NRL: variants seen among roughly 807,000 people sequenced by gnomAD.
NRL encodes neural retina leucine zipper.
In NRL, 16 loss-of-function variants were observed where a neutral mutation model predicts 12.5. That is an observed-to-expected ratio of 1.28 (90% CI 0.87 to 1.95). NRL has a LOEUF of 1.95. Ranked by LOEUF, NRL falls within the 30% of genes most tolerant of loss-of-function variation. The pLI is 0.00. For synonymous variants in NRL, 142 were observed against 150.9 expected, an observed-to-expected ratio of 0.94 and a Z score of 0.43; for missense variants, 314 against 325.8, an observed-to-expected ratio of 0.96 and a Z score of 0.28.
At chr14:24,110,824 C>T (rs2037407269) in intron 1 of NRL, among the ~76,000 whole-genome samples, 1 of 152,196 alleles carries the variant, frequency 6.6e-6, no homozygotes, top group African/African-American at 2.4e-5. Flanking sequence ...TAGACAGCTT[C>T]CCTCTAATAA....
At position 24,079,117 on chromosome 14, in the gene NRL, CA is replaced by C. The variant is rs565190137; in HGVS notation, c.*2118del. Among the ~76,000 whole-genome samples the C allele has an allele frequency of 5.0e-3, 763 of 152,274 alleles. 2 individuals carry two copies. The highest frequency in any genetic ancestry group is 0.018 in the African/African-American group (737 of 41,540). On this transcript the variant is annotated 3_prime_UTR_variant, in exon 3 of 3. Coordinates refer to ENST00000561028, the MANE Select transcript of NRL (RefSeq NM_001354768.3). ...CACTACTCTTAATCACCACAGTGTG[CA>C]ACTTTGTTTTTTTAAGTATACTCAG...
intron 1 of NRL, chr14:24,100,475 C>A: frequency 1.2e-6 from 1 of 832,382 alleles, no homozygotes; most frequent in South Asian, 2.6e-5. Context: ...TGTGATAGTA[C>A]CTATCTCATG....
intron 1 of NRL, chr14:24,103,955 C>G: frequency 6.2e-7 from 1 of 1,612,882 alleles, no homozygotes; most frequent in Non-Finnish European, 8.5e-7. Context: ...GACGTGTGCA[C>G]AAAATGTGAC....
chr14:24,096,808 A>C (rs2036904984), intron 1 of NRL: 1 of 1,235,748 alleles, frequency 8.1e-7, no homozygotes, highest in Non-Finnish European at 1.2e-6. Flanking sequence ...AGCAGGCTGC[A>C]GCCCAAGCTT....
At position 24,103,942 on chromosome 14, in the gene NRL, A is replaced by T. The variant is rs142085278; in HGVS notation, c.-28+10780T>A. On this transcript the variant is annotated intron_variant, in intron 1 of 2. Coordinates refer to ENST00000561028, the MANE Select transcript of NRL (RefSeq NM_001354768.3). ...GTGTTGGCTGAGCTTGAGGCCCTGG[A>T]GAGACGTGTGCACAAAATGTGACCT... 11 of 1,613,872 alleles carry T rather than the reference A, an allele frequency of 6.8e-6. No homozygotes were observed. The African/African-American group carries it at 1.5e-4, about 22-fold the overall frequency.
chr14:24,088,967 A>AT (rs1402393021), intron 1 of NRL, among the ~76,000 whole-genome samples: 137 of 146,150 alleles, frequency 9.4e-4, no homozygotes, highest in African/African-American at 2.9e-3. Context: ...TGCCTGGCTA[A>AT]TTTTTTTTTT....
In NRL at chr14:24,079,623, A is replaced by G. The variant is rs1365848157; in HGVS notation, c.*1613T>C. 1.3e-5 allele frequency among the ~76,000 whole-genome samples: 2 copies of G among 151,396 alleles called. No homozygotes were observed. The highest frequency in any genetic ancestry group is 2.9e-5 in the Non-Finnish European group (2 of 67,852). ...AGAGGGAGCAAGAACTGTGATGGGA[A>G]GAGAAGAGACAGCTGGGGAGGGGGT... On this transcript the variant is annotated 3_prime_UTR_variant, in exon 3 of 3. Coordinates refer to ENST00000561028, the MANE Select transcript of NRL (RefSeq NM_001354768.3).
At chr14:24,096,467 C>A (rs755398125) in intron 1 of NRL, among the ~76,000 whole-genome samples, 1 of 152,040 alleles carries the variant, frequency 6.6e-6, no homozygotes, top group African/African-American at 2.4e-5. Flanking sequence ...GATCTCCTGA[C>A]CTCATGATCC....
chr14:24,100,065 T>G, intron 1 of NRL: 3 of 1,613,204 alleles, frequency 1.9e-6, no homozygotes, highest in Non-Finnish European at 2.5e-6. Context: ...CCACCACCAA[T>G]CCCAACGCCA....
In NRL at chr14:24,094,810, G is replaced by A. The variant is rs762090156; in HGVS notation, c.-27-11935C>T. On this transcript the variant is annotated intron_variant, in intron 1 of 2. Coordinates refer to ENST00000561028, the MANE Select transcript of NRL (RefSeq NM_001354768.3). The surrounding 1 kb of genome is among the most constrained non-coding windows in gnomAD (Gnocchi z 4.1). ...AACGGGCTCTCAGCCAGCGCCCCAG[G>A]GTACTTCGAGAGGCAGCAGGGCCCT... 14 of 1,345,216 alleles carry A rather than the reference G, an allele frequency of 1.0e-5. No homozygotes were observed. The Admixed American group carries it at 1.1e-4, about 11-fold the overall frequency. The allele number at this position is 1,345,216 out of a possible 1,614,324, so 83.3% of individuals were successfully genotyped here. A position where few individuals can be genotyped will look rare whatever the true frequency, so the allele number is the denominator to read the frequency against.
At chr14:24,082,271 T>C (rs182602003) in intron 2 of NRL, among the ~76,000 whole-genome samples, 197 bp downstream of exon 2, 1 of 152,242 alleles carries the variant, frequency 6.6e-6, no homozygotes, top group Non-Finnish European at 1.5e-5. Context: ...CCTACTCATT[T>C]CTCTCCATTT....
intron 1 of NRL, among the ~76,000 whole-genome samples, chr14:24,091,135 G>A (rs1378598121): frequency 4.0e-5 from 6 of 149,112 alleles, no homozygotes; most frequent in Admixed American, 4.0e-4. Flanking sequence ...GTGTGTGTGT[G>A]TGTGTGTGTG....
chr14:24,097,118 C>T (rs755899254), intron 1 of NRL: 1 of 1,614,002 alleles, frequency 6.2e-7, no homozygotes, highest in Non-Finnish European at 8.5e-7. Context: ...CATCCGAAAG[C>T]TCCCCAAGTA....
intron 1 of NRL, among the ~76,000 whole-genome samples, chr14:24,092,985 G>C (rs891708126): frequency 3.3e-5 from 5 of 152,210 alleles, no homozygotes; most frequent in Non-Finnish European, 7.3e-5. Flanking sequence ...CAGAAAGAGA[G>C]CTAACTTCCA....
chr14:24,081,958 T>A lies in NRL; in HGVS notation c.382-390A>T. On this transcript the variant is annotated intron_variant, in intron 2 of 2. Transcript: ENST00000561028. The surrounding 1 kb of genome is among the most constrained non-coding windows in gnomAD (Gnocchi z 4.4). ...CGCTGCGTTTCCCTGTCCTGAAGCC[T>A]GCAACCCGGTGACCCTCACAGGATT... The A allele has an allele frequency of 8.2e-7, 1 of 1,225,730 alleles. No individual in the cohort carries two copies. Among genetic ancestry groups the A allele is most frequent in the East Asian group, 5.3e-5 (1 of 19,044 alleles). The allele number at this position is 1,225,730 out of a possible 1,614,324, so 75.9% of individuals were successfully genotyped here. A position where few individuals can be genotyped will look rare whatever the true frequency, so the allele number is the denominator to read the frequency against.
chr14:24,091,542 G>T, intron 1 of NRL, among the ~76,000 whole-genome samples: 1 of 152,168 alleles, frequency 6.6e-6, no homozygotes, highest in Non-Finnish European at 1.5e-5. Flanking sequence ...AAAGAGCCTG[G>T]AAGAGATTTT....
At chr14:24,098,300 GGTGGGGCCC>G in intron 1 of NRL, 3 of 1,614,144 alleles carry the variant, frequency 1.9e-6, no homozygotes, top group Non-Finnish European at 2.5e-6. Context: ...ACTCCCGCCT[GGTGGGGCCC>G]GTGGGCAGCT....
intron 1 of NRL, among the ~76,000 whole-genome samples, chr14:24,091,103 G>T (rs1181887889): frequency 6.6e-6 from 1 of 151,044 alleles, no homozygotes; most frequent in South Asian, 2.1e-4. Context: ...CATTCTAAGG[G>T]ACGAACAGAA....
chr14:24,082,902 C>T, intron 1 of NRL, 27 bp from the exon 2 acceptor site: 1 of 1,564,146 alleles, frequency 6.4e-7, no homozygotes, highest in South Asian at 1.2e-5. Context: ...AGGTCTGGAG[C>T]ACATGGAGGC....
Sources: gnomAD v4.1 joint callset for allele counts (sites outside exome capture counted in the v4.1 genomes callset) on GRCh38, gnomAD v4.1.1 for gene constraint, Gnocchi (gnomAD v3.1) non-coding constraint, MANE v1.5 for transcripts, NCBI Gene and HGNC (gene_info 2026-07-23, HGNC 2026-07-21) for gene names.